The following SHB variants were observed in gnomAD, a reference collection of about 807,000 sequenced individuals.
The protein encoded by SHB is SH2 domain containing adaptor protein B, also known as SH2 domain-containing adapter protein B.
SHB carries 20 observed loss-of-function variants against 52.3 expected under a neutral mutation model. The observed-to-expected ratio is 0.38, with a 90% CI of 0.27 to 0.56. The LOEUF is 0.56. SHB is among the 20% of genes least tolerant of loss of function. The probability of loss-of-function intolerance (pLI) is 0.71; values close to 1 mark genes in which losing one functional copy is unlikely to be tolerated. For synonymous variants in SHB, 397 were observed against 316.5 expected (o/e 1.25, Z -2.70); for missense variants, 825 against 723.3 (o/e 1.14, Z -1.61).
intron 1 of SHB, among the ~76,000 whole-genome samples, chr9:38,054,107 C>T (rs1039274777): frequency 1.3e-5 from 2 of 152,212 alleles, no homozygotes; most frequent in East Asian, 3.8e-4. Flanking sequence ...TCCCAAGTTA[C>T]TAAGCTTCCA....
At chr9:38,024,048 G>A (rs1304975933) in intron 1 of SHB, among the ~76,000 whole-genome samples, 1 of 152,242 alleles carries the variant, frequency 6.6e-6, no homozygotes, top group Non-Finnish European at 1.5e-5. Flanking sequence ...ATCAGACGGT[G>A]GGGAGGTTGG....
chr9:38,020,577 T>C (rs1254248762), intron 1 of SHB, among the ~76,000 whole-genome samples: 2 of 152,160 alleles, frequency 1.3e-5, no homozygotes, highest in African/African-American at 4.8e-5. Flanking sequence ...GGACCCGACG[T>C]GCCATCTCCA....
intron 1 of SHB, among the ~76,000 whole-genome samples, chr9:38,051,839 C>A (rs1821754777): frequency 1.3e-5 from 2 of 152,188 alleles, no homozygotes; most frequent in South Asian, 4.1e-4. Context: ...CAGGGATCTT[C>A]AAGGGGCTCT....
intron 1 of SHB, among the ~76,000 whole-genome samples, chr9:38,044,465 T>C (rs914789128): frequency 1.3e-5 from 2 of 152,264 alleles, no homozygotes; most frequent in African/African-American, 4.8e-5. Flanking sequence ...TAAGGTCTCA[T>C]GGGTCCTGAA....
At chr9:38,015,649 C>G (rs7047952) in intron 2 of SHB, among the ~76,000 whole-genome samples, 142,297 of 152,304 alleles carry the variant, frequency 0.93, 66,543 homozygotes, top group East Asian at 1. Flanking sequence ...CTGCCTACTA[C>G]GAAGCTCTAA....
intron 1 of SHB, among the ~76,000 whole-genome samples, chr9:38,049,125 A>G (rs925109996): frequency 2.0e-5 from 3 of 152,180 alleles, no homozygotes; most frequent in Admixed American, 6.5e-5. Flanking sequence ...GACTTAAGTG[A>G]TCCTGCTACC....
chr9:38,024,436 G>A (rs1246962532), intron 1 of SHB, among the ~76,000 whole-genome samples: 4 of 152,214 alleles, frequency 2.6e-5, no homozygotes, highest in Admixed American at 2.6e-4. Context: ...GGCCACAGCT[G>A]CTTGCCTAGA....
At chr9:37,968,503 T>C (rs915160772) in intron 3 of SHB, among the ~76,000 whole-genome samples, 3 of 152,228 alleles carry the variant, frequency 2.0e-5, no homozygotes, top group African/African-American at 7.2e-5. Flanking sequence ...ATAAGTATGC[T>C]GAGCAGTATT....
At chr9:37,988,315 T>C (rs941027593) in intron 2 of SHB, among the ~76,000 whole-genome samples, 9 of 152,168 alleles carry the variant, frequency 5.9e-5, no homozygotes, top group African/African-American at 2.2e-4. Context: ...AGGGCTAATA[T>C]TCCTCGCAGA....
At chr9:38,032,501 C>A (rs1245730386) in intron 1 of SHB, among the ~76,000 whole-genome samples, 1 of 152,208 alleles carries the variant, frequency 6.6e-6, no homozygotes, top group Non-Finnish European at 1.5e-5. Context: ...TTGCGCCAAC[C>A]GTGAGCAAAG....
At chr9:37,987,256 C>T (rs560497536) in intron 2 of SHB, among the ~76,000 whole-genome samples, 1 of 152,362 alleles carries the variant, frequency 6.6e-6, no homozygotes, top group African/African-American at 2.4e-5. Flanking sequence ...ATTCTAGGAA[C>T]ACTGCGTGCT....
At chr9:37,927,577 T>A (rs950183442) in intron 5 of SHB, among the ~76,000 whole-genome samples, 1 of 152,182 alleles carries the variant, frequency 6.6e-6, no homozygotes, top group Non-Finnish European at 1.5e-5. Flanking sequence ...TGTAGAGGCA[T>A]AAGGCTCGTT....
rs574171439 is a variant in SHB, at chr9:37,985,340, G to A, written c.839-10503C>T. Among the ~76,000 whole-genome samples the A allele has an allele frequency of 4.6e-5, 7 of 152,392 alleles. No homozygotes were observed. The East Asian group carries it at 1.3e-3, about 29-fold the overall frequency. Reference sequence around the variant, plus strand: ...CCCTCTGGCCTGAAGTACTCGAAGAGAGACAAAGCCTGCAAACCTGATGAC... The same window carrying A: ...CCCTCTGGCCTGAAGTACTCGAAGAAAGACAAAGCCTGCAAACCTGATGAC... On this transcript the variant is annotated intron_variant, in intron 2 of 5. Transcript: ENST00000377707.
chr9:38,055,453 AG>A (rs1263471560), intron 1 of SHB, among the ~76,000 whole-genome samples: 2 of 152,170 alleles, frequency 1.3e-5, no homozygotes, highest in Non-Finnish European at 2.9e-5. Flanking sequence ...TGGGGTGCAG[AG>A]GAAGAACCTG....
chr9:37,953,470 A>G (rs1028137312), intron 4 of SHB, among the ~76,000 whole-genome samples: 2 of 151,756 alleles, frequency 1.3e-5, no homozygotes, highest in Admixed American at 6.6e-5. Flanking sequence ...GGACACGTTC[A>G]TATACTGATG....
intron 1 of SHB, among the ~76,000 whole-genome samples, chr9:38,029,069 C>T (rs1315302440): frequency 1.3e-5 from 2 of 152,188 alleles, no homozygotes; most frequent in East Asian, 1.9e-4. Flanking sequence ...CCCCTTACTG[C>T]ATCCTAGCCA....
intron 2 of SHB, among the ~76,000 whole-genome samples, chr9:38,000,769 G>C (rs996069197): frequency 5.9e-5 from 9 of 152,244 alleles, no homozygotes; most frequent in African/African-American, 2.2e-4. Context: ...CCACATAGGA[G>C]CCCCAGAGCC....
At chr9:38,016,884 C>T (rs1821220818) in intron 1 of SHB, among the ~76,000 whole-genome samples, 1 of 152,174 alleles carries the variant, frequency 6.6e-6, no homozygotes, top group Non-Finnish European at 1.5e-5. Flanking sequence ...GTCTGTAGTC[C>T]AGAACACAGC....
chr9:37,923,918 C>T (rs889502174), intron 5 of SHB, among the ~76,000 whole-genome samples: 3 of 152,198 alleles, frequency 2.0e-5, no homozygotes, highest in Non-Finnish European at 4.4e-5. Context: ...AGCCGGGCTC[C>T]GAGCCACATC....
Sources: gnomAD v4.1 joint callset for allele counts (sites outside exome capture counted in the v4.1 genomes callset) on GRCh38, gnomAD v4.1.1 for gene constraint, MANE v1.5 for transcripts, NCBI Gene and HGNC (gene_info 2026-07-23, HGNC 2026-07-21) for gene names.